The following FAM168A variants were observed in gnomAD, a reference collection of about 807,000 sequenced individuals.
The protein encoded by FAM168A is family with sequence similarity 168 member A.
Under a neutral mutation model 28.5 loss-of-function variants are expected in FAM168A, and 3 were observed. The ratio of observed to expected loss-of-function variants is 0.11; its 90% CI spans 0.05 to 0.27. The LOEUF (loss-of-function observed/expected upper bound fraction) is 0.27, where lower values mean the gene tolerates loss of function less well. Ranked by LOEUF, FAM168A falls within the 10% of genes least tolerant of loss-of-function variation. The pLI is 1.00. For synonymous variants in FAM168A, 122 were observed against 124.2 expected (o/e 0.98, Z 0.12); for missense variants, 222 against 311.5 (o/e 0.71, Z 2.16).
chr11:73,584,686 C>T (rs1159235275), intron 1 of FAM168A, among the ~76,000 whole-genome samples: 2 of 151,706 alleles, frequency 1.3e-5, no homozygotes, highest in African/African-American at 4.8e-5. Flanking sequence ...ACCGTGTTAG[C>T]CAGGATGGTC....
intron 6 of FAM168A, among the ~76,000 whole-genome samples, chr11:73,408,906 C>A (rs886507893): frequency 6.6e-6 from 1 of 151,920 alleles, no homozygotes; most frequent in African/African-American, 2.4e-5. Context: ...CCTGTGTCTT[C>A]TTTTTTGGCG....
chr11:73,571,725 G>T (rs1944092972), intron 1 of FAM168A, among the ~76,000 whole-genome samples: 1 of 151,416 alleles, frequency 6.6e-6, no homozygotes, highest in Non-Finnish European at 1.5e-5. Context: ...GATGTGAGGA[G>T]CCCCTCTGCC....
intron 1 of FAM168A, among the ~76,000 whole-genome samples, chr11:73,512,378 G>A (rs1320192070): frequency 6.6e-6 from 1 of 152,096 alleles, no homozygotes; most frequent in African/African-American, 2.4e-5. Context: ...AAAGAATGTA[G>A]ATTATTGGTT....
At chr11:73,469,909 GT>G (rs1377575666) in intron 1 of FAM168A, among the ~76,000 whole-genome samples, 2 of 151,926 alleles carry the variant, frequency 1.3e-5, no homozygotes, top group African/African-American at 4.8e-5. Flanking sequence ...TAGATTTTTT[GT>G]TTTTGTTTTT....
intron 1 of FAM168A, among the ~76,000 whole-genome samples, chr11:73,547,085 G>GA (rs953416694): frequency 0.13 from 6,936 of 53,464 alleles, 205 homozygotes; most frequent in Middle Eastern, 0.15. Context: ...AGAAGTTCAA[G>GA]AAAAAAAAAA....
chr11:73,536,673 G>C (rs745954079), intron 1 of FAM168A, among the ~76,000 whole-genome samples: 19 of 152,114 alleles, frequency 1.2e-4, no homozygotes, highest in Admixed American at 2.0e-4. Flanking sequence ...GGCAACAAGA[G>C]CTTAACTCCG....
intron 2 of FAM168A, among the ~76,000 whole-genome samples, chr11:73,453,317 A>G (rs1051912663): frequency 6.6e-6 from 1 of 152,216 alleles, no homozygotes; most frequent in Non-Finnish European, 1.5e-5. Context: ...TTTTTTTCCC[A>G]AGCTCTGGAC....
chr11:73,422,607 C>G (rs1028258360), intron 3 of FAM168A, among the ~76,000 whole-genome samples: 3 of 152,226 alleles, frequency 2.0e-5, no homozygotes, highest in Non-Finnish European at 4.4e-5. Context: ...ACAGAGGAGG[C>G]TGCTCTGAAT....
intron 4 of FAM168A, among the ~76,000 whole-genome samples, chr11:73,416,058 G>T (rs1014168661): frequency 3.3e-5 from 5 of 152,138 alleles, no homozygotes; most frequent in African/African-American, 4.8e-5. Flanking sequence ...GTCCAATCTT[G>T]GGCATTTAAT....
Position 73,403,853 on chromosome 11 carries a change from CTTATTTTCACCT to C in FAM168A, c.*2898_*2909del, listed in dbSNP as rs1565229802. The C allele has an allele frequency of 6.6e-6, 1 of 152,232 alleles. No homozygotes were observed. Among genetic ancestry groups the C allele is most frequent in the Non-Finnish European group, 1.5e-5 (1 of 68,072 alleles). The allele number at this position is 152,232 out of a possible 1,614,324, so 9.4% of individuals were successfully genotyped here. On this transcript the variant is annotated 3_prime_UTR_variant, in exon 8 of 8. Transcript: ENST00000356467. ...CTTCCAGACCACAGCCTTTCAGTGC[CTTATTTTCACCT>C]TGGGGCCCCCCTTTGCTCTTGAATT...
At chr11:73,461,083 A>C (rs149763318) in intron 2 of FAM168A, among the ~76,000 whole-genome samples, 2,021 of 152,220 alleles carry the variant, frequency 0.013, 45 homozygotes, top group African/African-American at 0.045. Context: ...TGGGTATTAG[A>C]GATACAGGAG....
chr11:73,574,863 C>T (rs1433188427), intron 1 of FAM168A, among the ~76,000 whole-genome samples: 3 of 151,654 alleles, frequency 2.0e-5, no homozygotes, highest in South Asian at 4.2e-4. Context: ...CGTGCCCATC[C>T]GATGTTGGCC....
chr11:73,429,043 G>T (rs1866938398), intron 3 of FAM168A, among the ~76,000 whole-genome samples: 1 of 152,182 alleles, frequency 6.6e-6, no homozygotes, highest in South Asian at 2.1e-4. Flanking sequence ...CTTGGTGTGT[G>T]TGTATAATTA....
chr11:73,484,498 G>GGAGAGA (rs201878144), intron 1 of FAM168A, among the ~76,000 whole-genome samples: 85 of 143,150 alleles, frequency 5.9e-4, no homozygotes, highest in African/African-American at 2.2e-3. Flanking sequence ...AGAACTAAGA[G>GGAGAGA]GAGAGAGAGA....
Position 73,419,939 on chromosome 11 carries a change from G to T in FAM168A, c.212C>A (p.Thr71Asn), listed in dbSNP as rs1209342709. ...QNSSSCGTEG[T>N]FHLPVDTGTE... ...CCCGGTGTCCACTGGGAGGTGGAAGGTGCCTTCAGTGCCACAGGAAGACGA... is the reference window on the plus strand; with the variant it reads ...CCCGGTGTCCACTGGGAGGTGGAAGTTGCCTTCAGTGCCACAGGAAGACGA... Residue 71 changes from threonine (T) to asparagine (N), a missense_variant, in exon 4 of 8, where the codon ACC becomes AAC. By Grantham distance (65) the Thr-to-Asn change is moderately conservative. Coordinates refer to ENST00000356467, the MANE Select transcript of FAM168A (RefSeq NM_015159.3). The T allele has an allele frequency of 3.1e-6, 5 of 1,613,996 alleles. No homozygotes were observed. Among genetic ancestry groups the T allele is most frequent in the Admixed American group, 1.7e-5 (1 of 60,010 alleles).
intron 1 of FAM168A, among the ~76,000 whole-genome samples, chr11:73,482,320 TGGA>T (rs56366306): frequency 0.074 from 11,275 of 151,568 alleles, 532 homozygotes; most frequent in Admixed American, 0.11. Context: ...GACTTTAGAT[TGGA>T]GGCTTTCTAC....
Position 73,545,022 on chromosome 11 carries a change from TATATA to T in FAM168A, c.-19+52896_-19+52900del, listed in dbSNP as rs1565291987. Among the ~76,000 whole-genome samples the T allele has an allele frequency of 1.6e-3, 155 of 94,890 alleles. 2 individuals are homozygous for T. Among genetic ancestry groups the T allele is most frequent in the Admixed American group, 2.5e-3 (17 of 6,862 alleles). The allele number at this position is 94,890 out of a possible 152,430, so 62.3% of individuals were successfully genotyped here. A position where few individuals can be genotyped will look rare whatever the true frequency, so the allele number is the denominator to read the frequency against. ...TATATAATATACTATATATATAGTATATATAATATATATATATTTTTTGGAGACAG... is the reference window on the plus strand; with the variant it reads ...TATATAATATACTATATATATAGTATATATATATATATTTTTTGGAGACAG... On this transcript the variant is annotated intron_variant, in intron 1 of 7. Transcript: ENST00000356467.
chr11:73,586,479 T>C (rs1236716035), intron 1 of FAM168A, among the ~76,000 whole-genome samples: 1 of 152,106 alleles, frequency 6.6e-6, no homozygotes, highest in African/African-American at 2.4e-5. Flanking sequence ...TATGGCCACA[T>C]ACACACAGAA....
chr11:73,528,864 C>G (rs915812026), intron 1 of FAM168A, among the ~76,000 whole-genome samples: 1 of 147,906 alleles, frequency 6.8e-6, no homozygotes, highest in Non-Finnish European at 1.5e-5. Context: ...ATAAATTTTG[C>G]TTCCTAATAA....
Sources: gnomAD v4.1 joint callset for allele counts (sites outside exome capture counted in the v4.1 genomes callset) on GRCh38, gnomAD v4.1.1 for gene constraint, MANE v1.5 for transcripts, NCBI Gene and HGNC (gene_info 2026-07-23, HGNC 2026-07-21) for gene names.